The following MACROD2 variants were observed in gnomAD, a reference collection of about 807,000 sequenced individuals.
The protein encoded by MACROD2 is ADP-ribose glycohydrolase MACROD2.
A neutral mutation model predicts 70.4 loss-of-function variants in MACROD2; 36 were observed. That is an observed-to-expected ratio of 0.51 (90% CI 0.39 to 0.68). MACROD2 has a LOEUF of 0.68. Among genes scored for constraint, MACROD2 ranks in the 30% least tolerant of loss-of-function variants. The pLI, the probability that MACROD2 is intolerant of heterozygous loss-of-function variation, is 0.00. For missense variants in MACROD2, 496 were observed against 538.4 expected (o/e 0.92, Z 0.78); for synonymous variants, 172 against 178.8 (o/e 0.96, Z 0.30).
At chr20:14,755,251 CT>C (rs1778029481) in intron 5 of MACROD2, among the ~76,000 whole-genome samples, 1 of 152,004 alleles carries the variant, frequency 6.6e-6, no homozygotes, top group African/African-American at 2.4e-5. Flanking sequence ...ATGAGGTCAC[CT>C]TAGCCATGTT....
At chr20:15,445,896 T>C (rs966887406) in intron 7 of MACROD2, among the ~76,000 whole-genome samples, 2 of 151,880 alleles carry the variant, frequency 1.3e-5, no homozygotes, top group African/African-American at 4.8e-5. Flanking sequence ...AGGGGAGAGG[T>C]CTGGGAATCA....
chr20:15,291,553 G>A (rs976151678), intron 6 of MACROD2, among the ~76,000 whole-genome samples: 2 of 152,028 alleles, frequency 1.3e-5, no homozygotes, highest in Non-Finnish European at 2.9e-5. Flanking sequence ...TCTGAATTTT[G>A]CCCCATACCT....
At chr20:16,035,132 T>TC (rs1176469393) in intron 15 of MACROD2, among the ~76,000 whole-genome samples, 2 of 1,648 alleles carry the variant, frequency 1.2e-3, no homozygotes, top group Non-Finnish European at 0.014. Context: ...TAAAATATTA[T>TC]ATATTATATA....
chr20:15,113,433 G>A (rs930798135), intron 5 of MACROD2, among the ~76,000 whole-genome samples: 3 of 152,172 alleles, frequency 2.0e-5, no homozygotes, highest in Admixed American at 2.0e-4. Flanking sequence ...ATTGAATAAA[G>A]GGGCATGTTT....
intron 3 of MACROD2, among the ~76,000 whole-genome samples, chr20:14,395,915 T>A (rs1347221454): frequency 6.6e-6 from 1 of 152,186 alleles, no homozygotes; most frequent in East Asian, 1.9e-4. Flanking sequence ...TGTCATGGAT[T>A]TTTTATGTTT....
At chr20:14,772,547 C>T (rs2072182442) in intron 5 of MACROD2, among the ~76,000 whole-genome samples, 1 of 152,008 alleles carries the variant, frequency 6.6e-6, no homozygotes, top group Non-Finnish European at 1.5e-5. Context: ...GACTCACTCA[C>T]TATCATGAGA....
chr20:14,751,860 A>T (rs898186691), intron 5 of MACROD2, among the ~76,000 whole-genome samples: 12 of 152,100 alleles, frequency 7.9e-5, no homozygotes, highest in African/African-American at 2.9e-4. Flanking sequence ...ATATATGAAG[A>T]GGGGAAGAAC....
chr20:15,205,036 A>T (rs1469000817), intron 5 of MACROD2, among the ~76,000 whole-genome samples: 1 of 152,196 alleles, frequency 6.6e-6, no homozygotes, highest in Non-Finnish European at 1.5e-5. Flanking sequence ...TGTGTCTAAT[A>T]ATAATAGACA....
chr20:15,986,173 T>A (rs1281330259), intron 13 of MACROD2, among the ~76,000 whole-genome samples: 3 of 152,236 alleles, frequency 2.0e-5, no homozygotes, highest in African/African-American at 7.2e-5. Context: ...TTTTACTTCC[T>A]TGTTTTTCTC....
At chr20:14,353,976 G>T (rs1037113560) in intron 3 of MACROD2, among the ~76,000 whole-genome samples, 10 of 152,162 alleles carry the variant, frequency 6.6e-5, no homozygotes, top group African/African-American at 1.9e-4. Context: ...TGGGTGTCAA[G>T]TCGGCAATCT....
intron 8 of MACROD2, among the ~76,000 whole-genome samples, chr20:15,608,134 C>A (rs200737): frequency 7.8e-4 from 118 of 152,062 alleles, no homozygotes; most frequent in Non-Finnish European, 1.5e-3. Flanking sequence ...TTGTAGATTG[C>A]GAGATATAAG....
At chr20:14,523,871 G>A (rs956437947) in intron 4 of MACROD2, among the ~76,000 whole-genome samples, 2 of 152,164 alleles carry the variant, frequency 1.3e-5, no homozygotes, top group Admixed American at 6.5e-5. Flanking sequence ...CCAGCGAATG[G>A]TATTAAACAT....
intron 5 of MACROD2, among the ~76,000 whole-genome samples, chr20:15,149,731 G>C (rs953868908): frequency 3.3e-5 from 5 of 152,088 alleles, no homozygotes; most frequent in African/African-American, 1.2e-4. Context: ...GCCTAAAACA[G>C]TAAGGTCAAG....
At chr20:14,844,371 G>T (rs1478860507) in intron 5 of MACROD2, among the ~76,000 whole-genome samples, 3 of 151,808 alleles carry the variant, frequency 2.0e-5, no homozygotes, top group African/African-American at 7.3e-5. Context: ...AAAAAAATTA[G>T]CCAGGCTTGG....
chr20:15,969,935 T>C (rs1465625241), intron 13 of MACROD2, among the ~76,000 whole-genome samples: 1 of 150,218 alleles, frequency 6.7e-6, no homozygotes, highest in East Asian at 1.9e-4. Flanking sequence ...AATATAAATA[T>C]TATAAATAAT....
At chr20:15,802,537 T>C (rs774065918) in intron 8 of MACROD2, among the ~76,000 whole-genome samples, 5 of 149,530 alleles carry the variant, frequency 3.3e-5, no homozygotes, top group Non-Finnish European at 7.5e-5. Flanking sequence ...GGGATAAATA[T>C]CACTTGATCA....
At position 14,220,683 on chromosome 20, in the gene MACROD2, G is replaced by A. The variant is rs548108056; in HGVS notation, c.271+134955G>A. ...AATGGCCTGCTAGGGTACCCAGCGA[G>A]CTCCCAGGGCCTTTCTGCTGCATCC... On this transcript the variant is annotated intron_variant, in intron 3 of 17. Coordinates refer to ENST00000684519, the MANE Select transcript of MACROD2 (RefSeq NM_001351661.2). Among the ~76,000 whole-genome samples the A allele has an allele frequency of 1.2e-3, 180 of 152,298 alleles. 1 individual carries two copies. Among genetic ancestry groups the A allele is most frequent in the African/African-American group, 4.0e-3 (168 of 41,560 alleles).
intron 3 of MACROD2, among the ~76,000 whole-genome samples, chr20:14,462,644 C>T (rs924239036): frequency 6.6e-6 from 1 of 152,056 alleles, no homozygotes; most frequent in Admixed American, 6.6e-5. Flanking sequence ...CCTAGCTTTT[C>T]TTCTAGGGTT....
intron 9 of MACROD2, 123 bp downstream of exon 9, chr20:15,862,949 CAT>C: frequency 2.9e-6 from 2 of 691,116 alleles, no homozygotes; most frequent in Non-Finnish European, 4.7e-6. Context: ...CAACTTGTAT[CAT>C]AGTTTCTAAG....
Sources: gnomAD v4.1 joint callset for allele counts (sites outside exome capture counted in the v4.1 genomes callset) on GRCh38, gnomAD v4.1.1 for gene constraint, MANE v1.5 for transcripts, NCBI Gene and HGNC (gene_info 2026-07-23, HGNC 2026-07-21) for gene names.